Variants in ZFHX3 observed in about 807,000 individuals in gnomAD.
ZFHX3 encodes zinc finger homeobox 3.
Under a neutral mutation model 279.1 loss-of-function variants are expected in ZFHX3, and 42 were observed. The ratio of observed to expected loss-of-function variants is 0.15; its 90% CI spans 0.12 to 0.19. ZFHX3 has a LOEUF of 0.19. ZFHX3 is among the 10% of genes least tolerant of loss of function. The pLI is 1.00. For missense variants in ZFHX3, 4,981 were observed against 4,754.0 expected (o/e 1.05, Z -1.40); for synonymous variants, 2,293 against 1,957.8 (o/e 1.17, Z -4.52).
At chr16:73,236,861 C>T (rs1267387756) in intron 5 of ZFHX3, among the ~76,000 whole-genome samples, 1 of 152,146 alleles carries the variant, frequency 6.6e-6, no homozygotes, top group East Asian at 1.9e-4. Context: ...AGAGATCCTG[C>T]CTGTAGTTTG....
chr16:73,519,301 A>T (rs1450174228), intron 2 of ZFHX3, among the ~76,000 whole-genome samples: 2 of 152,214 alleles, frequency 1.3e-5, no homozygotes, highest in African/African-American at 4.8e-5. Context: ...GTTATCTGGG[A>T]TTAAACATTC....
At chr16:73,004,318 A>G (rs1046534863) in intron 1 of ZFHX3, among the ~76,000 whole-genome samples, 17 of 132,414 alleles carry the variant, frequency 1.3e-4, no homozygotes, top group Admixed American at 1.2e-3. Flanking sequence ...TGTATGCATC[A>G]ATCTTTTTTT....
chr16:72,958,997 G>C lies in ZFHX3; in HGVS notation c.1149C>G (p.Ser383=), dbSNP rs201339061. 8.4e-4 allele frequency: 1,358 copies of C among 1,608,294 alleles called. 3 individuals are homozygous for C. The highest frequency in any genetic ancestry group is 7.9e-4 in the Non-Finnish European group (935 of 1,177,388). ...MEGEEALPAG[S]AAGPEQPQAG... is the part of the protein sequence containing the mutation. ...CCTGGGGCTGCTCGGGGCCAGCGGC[G>C]GAGCCCGCTGGGAGAGCTTCCTCCC... Residue 383 remains serine, a synonymous_variant, in exon 2 of 10, where the codon TCC becomes TCG. Coordinates refer to ENST00000268489, the MANE Select transcript of ZFHX3 (RefSeq NM_006885.4).
chr16:73,414,273 T>A (rs1439136658), intron 3 of ZFHX3, among the ~76,000 whole-genome samples: 1 of 152,238 alleles, frequency 6.6e-6, no homozygotes, highest in African/African-American at 2.4e-5. Flanking sequence ...CACACAGAGA[T>A]AATTTCTACC....
At chr16:73,355,502 GA>G (rs1167201080) in intron 3 of ZFHX3, among the ~76,000 whole-genome samples, 3 of 152,154 alleles carry the variant, frequency 2.0e-5, no homozygotes, top group Non-Finnish European at 4.4e-5. Context: ...ACCTCTTCCT[GA>G]ATAGGGACAC....
At chr16:73,787,381 A>C (rs528452739) in intron 1 of ZFHX3, among the ~76,000 whole-genome samples, 2 of 152,336 alleles carry the variant, frequency 1.3e-5, no homozygotes, top group South Asian at 4.1e-4. Flanking sequence ...AGCACGGATC[A>C]ACCTCAGCAA....
chr16:73,742,445 C>T (rs992766267), intron 1 of ZFHX3, among the ~76,000 whole-genome samples: 1 of 152,144 alleles, frequency 6.6e-6, no homozygotes, highest in African/African-American at 2.4e-5. Context: ...CTTCTTCCAC[C>T]ACCAGCAGCA....
chr16:73,006,127 T>C (rs1012181270), intron 1 of ZFHX3: 1 of 152,212 alleles, frequency 6.6e-6, no homozygotes, highest in African/African-American at 2.4e-5. Context: ...TCCTGACCAG[T>C]TCAATAAGGT....
intron 2 of ZFHX3, among the ~76,000 whole-genome samples, chr16:73,663,669 A>G (rs1402309784): frequency 1.3e-5 from 2 of 152,232 alleles, no homozygotes; most frequent in East Asian, 3.8e-4. Flanking sequence ...GTCTGGGACA[A>G]AGGAGATGCT....
At position 72,957,891 on chromosome 16, in the gene ZFHX3, T is replaced by C. The variant is rs146973446; in HGVS notation, c.2255A>G (p.Asn752Ser). ...SIHMQSDKHLNNMQNLQNGGG... is the reference protein window; with the variant it reads ...SIHMQSDKHLSNMQNLQNGGG... ...TCCATTCTGCAGGTTCTGCATGTTG[T>C]TGAGATGCTTGTCAGACTGCATATG... The change falls in exon 2 of 10, where the codon AAC becomes AGC. Residue 752 changes from asparagine to serine, a missense_variant. Coordinates refer to ENST00000268489, the MANE Select transcript of ZFHX3 (RefSeq NM_006885.4). 3.7e-6 allele frequency: 6 copies of C among 1,613,994 alleles called. No individual in the cohort carries two copies. Among genetic ancestry groups the C allele is most frequent in the Admixed American group, 1.7e-5 (1 of 60,006 alleles).
chr16:72,844,082 C>T (rs957921906), intron 4 of ZFHX3, among the ~76,000 whole-genome samples: 1 of 152,158 alleles, frequency 6.6e-6, no homozygotes, highest in African/African-American at 2.4e-5. Context: ...GGGGGAATCC[C>T]AGAAGTACTG....
chr16:73,505,170 C>T (rs761253512), intron 2 of ZFHX3, among the ~76,000 whole-genome samples: 2 of 152,018 alleles, frequency 1.3e-5, no homozygotes, highest in African/African-American at 4.8e-5. Flanking sequence ...ATTCATCAAC[C>T]CGAGCCTTTT....
At chr16:73,760,669 G>C (rs767248533) in intron 1 of ZFHX3, among the ~76,000 whole-genome samples, 3 of 152,082 alleles carry the variant, frequency 2.0e-5, no homozygotes, top group African/African-American at 4.8e-5. Flanking sequence ...GCTGGTTCAA[G>C]ATATGCAAAT....
At chr16:73,621,949 C>G (rs547612854) in intron 2 of ZFHX3, among the ~76,000 whole-genome samples, 22 of 152,288 alleles carry the variant, frequency 1.4e-4, no homozygotes, top group African/African-American at 5.1e-4. Flanking sequence ...GAGGAGAATT[C>G]TACATCAACA....
intron 1 of ZFHX3, among the ~76,000 whole-genome samples, chr16:72,991,656 T>G (rs1963099666): frequency 6.6e-6 from 1 of 152,248 alleles, no homozygotes; most frequent in African/African-American, 2.4e-5. Flanking sequence ...TCATGTCATT[T>G]GCATAGCAAT....
chr16:73,018,403 C>G (rs559910102), intron 1 of ZFHX3, among the ~76,000 whole-genome samples: 1 of 152,136 alleles, frequency 6.6e-6, no homozygotes, highest in Non-Finnish European at 1.5e-5. Context: ...GTCAAGAGAT[C>G]GAGACCATCC....
At chr16:73,799,015 C>T (rs1960074536) in intron 1 of ZFHX3, among the ~76,000 whole-genome samples, 1 of 152,184 alleles carries the variant, frequency 6.6e-6, no homozygotes, top group Non-Finnish European at 1.5e-5. Flanking sequence ...CTGCTCTAAG[C>T]ACTAAATGTC....
At chr16:73,170,222 A>ATTTTTTTTTTTTTTT (rs1323820575) in intron 5 of ZFHX3, among the ~76,000 whole-genome samples, 6 of 36,840 alleles carry the variant, frequency 1.6e-4, no homozygotes, top group Non-Finnish European at 2.1e-4. Flanking sequence ...TCCTTTCACT[A>ATTTTTTTTTTTTTTT]GTTTTTTTTT....
At chr16:72,888,422 A>G (rs1303128858) in intron 4 of ZFHX3, among the ~76,000 whole-genome samples, 1 of 152,132 alleles carries the variant, frequency 6.6e-6, no homozygotes, top group Non-Finnish European at 1.5e-5. Flanking sequence ...TGAGATGTCC[A>G]CGAAGCTCAG....
Sources: gnomAD v4.1 joint callset for allele counts (sites outside exome capture counted in the v4.1 genomes callset) on GRCh38, gnomAD v4.1.1 for gene constraint, MANE v1.5 for transcripts, NCBI Gene and HGNC (gene_info 2026-07-23, HGNC 2026-07-21) for gene names.